SRPK2: variants seen among roughly 807,000 people sequenced by gnomAD.
The protein encoded by SRPK2 is SRSF protein kinase 2, also known as SFRS protein kinase 2.
SRPK2 carries 21 observed loss-of-function variants against 90.8 expected under a neutral mutation model. That is an observed-to-expected ratio of 0.23 (90% CI 0.16 to 0.33). The LOEUF is 0.33. SRPK2 is among the 10% of genes least tolerant of loss of function. SRPK2 has a pLI of 1.00. For missense variants in SRPK2, 620 were observed against 869.0 expected, an observed-to-expected ratio of 0.71 and a Z score of 3.60; for synonymous variants, 288 against 311.1, an observed-to-expected ratio of 0.93 and a Z score of 0.78.
At chr7:105,328,962 C>T (rs1175262556) in intron 2 of SRPK2, among the ~76,000 whole-genome samples, 2 of 152,040 alleles carry the variant, frequency 1.3e-5, no homozygotes, top group Non-Finnish European at 2.9e-5. Flanking sequence ...GGGAGGATCA[C>T]CTGAGGCCAG....
chr7:105,372,136 TAAAAAAA>T (rs55928342), intron 2 of SRPK2, among the ~76,000 whole-genome samples: 19 of 76,782 alleles, frequency 2.5e-4, no homozygotes, highest in East Asian at 2.2e-3. Context: ...CTCCAACTCA[TAAAAAAA>T]AAAAAAAAAA....
intron 2 of SRPK2, among the ~76,000 whole-genome samples, chr7:105,278,314 C>CAAAA (rs34389951): frequency 9.6e-6 from 1 of 104,088 alleles, no homozygotes; most frequent in African/African-American, 3.9e-5. Flanking sequence ...GATTCTGTCT[C>CAAAA]AAAAAAAAAA....
At chr7:105,371,762 T>C (rs1054256700) in intron 2 of SRPK2, among the ~76,000 whole-genome samples, 5 of 152,018 alleles carry the variant, frequency 3.3e-5, no homozygotes, top group African/African-American at 1.2e-4. Context: ...GTTTAGACTG[T>C]GGGAAATATG....
intron 3 of SRPK2, among the ~76,000 whole-genome samples, chr7:105,173,606 C>G (rs932892088): frequency 3.9e-5 from 6 of 152,218 alleles, no homozygotes; most frequent in African/African-American, 1.4e-4. Context: ...GCTTAGTTAA[C>G]TATGTGCACC....
At chr7:105,380,117 G>T (rs1389459900) in intron 2 of SRPK2, among the ~76,000 whole-genome samples, 1 of 152,144 alleles carries the variant, frequency 6.6e-6, no homozygotes, top group Non-Finnish European at 1.5e-5. Context: ...CTCTAAAAAA[G>T]AAAATTAAAA....
At chr7:105,164,691 T>TA (rs1317908614) in intron 6 of SRPK2, among the ~76,000 whole-genome samples, 1 of 152,246 alleles carries the variant, frequency 6.6e-6, no homozygotes, top group African/African-American at 2.4e-5. Flanking sequence ...CATTCCCTTG[T>TA]ATAAAAACCT....
chr7:105,340,484 G>C (rs1019917328), intron 2 of SRPK2, among the ~76,000 whole-genome samples: 10 of 145,792 alleles, frequency 6.9e-5, no homozygotes, highest in Admixed American at 2.9e-4. Flanking sequence ...GCTCAACACA[G>C]CTTCTATCTC....
chr7:105,288,322 T>TG (rs911752198), intron 2 of SRPK2, among the ~76,000 whole-genome samples: 1 of 152,030 alleles, frequency 6.6e-6, no homozygotes, highest in Non-Finnish European at 1.5e-5. Context: ...CAAGGCCAGG[T>TG]GGGGTGGCTC....
At chr7:105,162,847 T>G (rs1043774843) in intron 6 of SRPK2, among the ~76,000 whole-genome samples, 1 of 152,218 alleles carries the variant, frequency 6.6e-6, no homozygotes, top group African/African-American at 2.4e-5. Context: ...CACTAGAACG[T>G]ATATTTCAAA....
chr7:105,372,347 A>G (rs10261613), intron 2 of SRPK2, among the ~76,000 whole-genome samples: 26,563 of 152,106 alleles, frequency 0.17, 2,991 homozygotes, highest in East Asian at 0.58. Context: ...TTAAGAAATT[A>G]AATATCATAA....
chr7:105,267,929 C>A (rs1012371681), intron 2 of SRPK2, among the ~76,000 whole-genome samples: 2 of 151,994 alleles, frequency 1.3e-5, no homozygotes, highest in African/African-American at 4.8e-5. Flanking sequence ...TTAAGTATAA[C>A]CTATTAGGTA....
intron 15 of SRPK2, among the ~76,000 whole-genome samples, chr7:105,120,732 T>C (rs1197799599): frequency 6.6e-6 from 1 of 152,086 alleles, no homozygotes; most frequent in Non-Finnish European, 1.5e-5. Context: ...CTCACCCAGA[T>C]GCTATAATGA....
At chr7:105,350,443 T>C (rs1490274958) in intron 2 of SRPK2, among the ~76,000 whole-genome samples, 1 of 151,436 alleles carries the variant, frequency 6.6e-6, no homozygotes, top group Non-Finnish European at 1.5e-5. Context: ...AGTGCCTATC[T>C]TGATACAGCT....
At chr7:105,263,191 C>T (rs1166724151) in intron 2 of SRPK2, among the ~76,000 whole-genome samples, 3 of 151,948 alleles carry the variant, frequency 2.0e-5, no homozygotes, top group Admixed American at 6.6e-5. Context: ...GGCGTGGTGG[C>T]GCGGGCCTGT....
intron 2 of SRPK2, among the ~76,000 whole-genome samples, chr7:105,324,010 T>TGTGG (rs1554509976): frequency 1.6e-4 from 24 of 148,974 alleles, no homozygotes; most frequent in African/African-American, 5.3e-4. Context: ...TGTGTGTGTG[T>TGTGG]GTGTGTGGTG....
At chr7:105,333,510 A>G (rs1425088094) in intron 2 of SRPK2, among the ~76,000 whole-genome samples, 4 of 152,226 alleles carry the variant, frequency 2.6e-5, no homozygotes, top group African/African-American at 9.6e-5. Flanking sequence ...TACAGAACAA[A>G]GAGTATTTTA....
At chr7:105,309,090 A>G (rs1235540740) in intron 2 of SRPK2, among the ~76,000 whole-genome samples, 6 of 152,214 alleles carry the variant, frequency 3.9e-5, no homozygotes, top group Admixed American at 3.9e-4. Flanking sequence ...AAAAGTGCAC[A>G]CAAACTTTGC....
upstream of SRPK2, among the ~76,000 whole-genome samples, chr7:105,390,782 A>G (rs1228729795): frequency 6.6e-6 from 1 of 151,672 alleles, no homozygotes; most frequent in Non-Finnish European, 1.5e-5. Flanking sequence ...TTTGTTGTTT[A>G]TAACATTGAC....
intron 2 of SRPK2, among the ~76,000 whole-genome samples, chr7:105,283,561 T>C (rs1044661772): frequency 5.3e-5 from 8 of 152,036 alleles, no homozygotes; most frequent in African/African-American, 1.5e-4. Flanking sequence ...TTGTCCAGAA[T>C]AGAGAAATCC....
Sources: gnomAD v4.1 joint callset for allele counts (sites outside exome capture counted in the v4.1 genomes callset) on GRCh38, gnomAD v4.1.1 for gene constraint, MANE v1.5 for transcripts, NCBI Gene and HGNC (gene_info 2026-07-23, HGNC 2026-07-21) for gene names.